Variants in PPM1L observed in about 807,000 individuals in gnomAD.
PPM1L encodes protein phosphatase, Mg2+/Mn2+ dependent 1L, also known as protein phosphatase 1L.
A neutral mutation model predicts 31.4 loss-of-function variants in PPM1L; 13 were observed. The ratio of observed to expected loss-of-function variants is 0.41; its 90% CI spans 0.27 to 0.66. The LOEUF (loss-of-function observed/expected upper bound fraction) is 0.66, where lower values mean the gene tolerates loss of function less well. PPM1L is among the 30% of genes least tolerant of loss of function. PPM1L has a pLI of 0.29. For synonymous variants in PPM1L, 184 were observed against 175.4 expected (o/e 1.05, Z -0.39); for missense variants, 326 against 453.7 (o/e 0.72, Z 2.56).
At chr3:161,028,982 C>T (rs1360498202) in intron 2 of PPM1L, among the ~76,000 whole-genome samples, 1 of 152,186 alleles carries the variant, frequency 6.6e-6, no homozygotes, top group Non-Finnish European at 1.5e-5. Flanking sequence ...CTTTGGGTTT[C>T]ATATTACACT....
intron 2 of PPM1L, among the ~76,000 whole-genome samples, chr3:161,043,093 T>C (rs1467065673): frequency 2.7e-5 from 4 of 148,720 alleles, no homozygotes; most frequent in Non-Finnish European, 4.4e-5. Flanking sequence ...GCCTGGAAAA[T>C]AGACTGGTAA....
intron 1 of PPM1L, among the ~76,000 whole-genome samples, chr3:160,925,958 C>T (rs1413883738): frequency 2.0e-5 from 3 of 152,106 alleles, no homozygotes; most frequent in Admixed American, 6.5e-5. Flanking sequence ...AATCTCACAG[C>T]CACAAACCTC....
In PPM1L at chr3:160,920,936, T is replaced by G. The variant is rs114055419; in HGVS notation, c.400-40800T>G. Reference sequence around the variant, plus strand: ...ACAATGTGAGACAGCAGCACAGTAGTGACTATCTCACCATTTTCTTACATT... The same window carrying G: ...ACAATGTGAGACAGCAGCACAGTAGGGACTATCTCACCATTTTCTTACATT... On this transcript the variant is annotated intron_variant, in intron 1 of 3. Transcript: ENST00000498165. Among the ~76,000 whole-genome samples the G allele has an allele frequency of 4.6e-3, 694 of 152,220 alleles. 6 individuals carry two copies. The highest frequency in any genetic ancestry group is 0.015 in the African/African-American group (637 of 41,530).
rs1443928226 is a variant in PPM1L, at chr3:161,075,722, A to T, written c.*6565A>T. On this transcript the variant is annotated 3_prime_UTR_variant, in exon 4 of 4. Coordinates refer to ENST00000498165, the MANE Select transcript of PPM1L (RefSeq NM_139245.4). ...TTAAATTAAGAAAAGGAGGTGTTAT[A>T]GTTTATTACATCATGAATTATGCTT... 6.6e-6 allele frequency: 1 copy of T among 152,222 alleles called. No homozygotes were observed. Among genetic ancestry groups the T allele is most frequent in the Non-Finnish European group, 1.5e-5 (1 of 68,030 alleles). 9.4% of individuals were successfully genotyped at this position (152,222 alleles called of 1,614,324 possible). A position where few individuals can be genotyped will look rare whatever the true frequency, so the allele number is the denominator to read the frequency against.
At chr3:160,926,870 G>C (rs1468436608) in intron 1 of PPM1L, among the ~76,000 whole-genome samples, 5 of 152,172 alleles carry the variant, frequency 3.3e-5, no homozygotes, top group Non-Finnish European at 7.3e-5. Flanking sequence ...AACATACATT[G>C]ATAAAGGAAC....
At chr3:161,061,697 G>T (rs1190076203) in intron 2 of PPM1L, among the ~76,000 whole-genome samples, 1 of 152,158 alleles carries the variant, frequency 6.6e-6, no homozygotes, top group East Asian at 1.9e-4. Context: ...TAGGTTATAT[G>T]CAAATACTAA....
intron 1 of PPM1L, among the ~76,000 whole-genome samples, chr3:160,946,246 T>C (rs1715406254): frequency 6.6e-6 from 1 of 152,122 alleles, no homozygotes. Flanking sequence ...ACCATAGACT[T>C]TACCAAAGAG....
intron 1 of PPM1L, among the ~76,000 whole-genome samples, chr3:160,789,193 T>C (rs1304857197): frequency 6.6e-6 from 1 of 151,976 alleles, no homozygotes; most frequent in Non-Finnish European, 1.5e-5. Context: ...TTTACATTTG[T>C]TACTAGACTT....
intron 1 of PPM1L, among the ~76,000 whole-genome samples, chr3:160,944,382 G>T (rs13086445): frequency 0.79 from 120,054 of 151,532 alleles, 48,674 homozygotes; most frequent in Middle Eastern, 0.92. Flanking sequence ...TTTTTATAAT[G>T]CTTAATCACA....
chr3:160,929,508 A>G (rs561397329), intron 1 of PPM1L, among the ~76,000 whole-genome samples: 1 of 152,352 alleles, frequency 6.6e-6, no homozygotes, highest in African/African-American at 2.4e-5. Flanking sequence ...GAGAGGGGGC[A>G]GGAAAGTGCT....
At chr3:160,973,326 G>C (rs1469581150) in intron 2 of PPM1L, among the ~76,000 whole-genome samples, 4 of 152,186 alleles carry the variant, frequency 2.6e-5, no homozygotes, top group Admixed American at 2.6e-4. Flanking sequence ...TAAAGGAAAT[G>C]TGTATACTTC....
intron 1 of PPM1L, among the ~76,000 whole-genome samples, chr3:160,765,863 T>G (rs1395475077): frequency 6.6e-6 from 1 of 152,208 alleles, no homozygotes; most frequent in African/African-American, 2.4e-5. Flanking sequence ...CTATTGCATA[T>G]ATTGTTAATT....
chr3:160,808,322 C>T lies in PPM1L; in HGVS notation c.399+51615C>T, dbSNP rs866047729. 4.3e-3 allele frequency among the ~76,000 whole-genome samples: 472 copies of T among 110,648 alleles called. 10 individuals are homozygous for T. The highest frequency in any genetic ancestry group is 0.017 in the African/African-American group (431 of 25,536). The allele number at this position is 110,648 out of a possible 152,430, so 72.6% of individuals were successfully genotyped here. On this transcript the variant is annotated intron_variant, in intron 1 of 3. Coordinates refer to ENST00000498165, the MANE Select transcript of PPM1L (RefSeq NM_139245.4). Reference sequence around the variant, plus strand: ...GTGTGTGTGTGTGTGTGTGTGTGTGCGTGCATGTGTGGTGGGTGAGGGAAG... The same window carrying T: ...GTGTGTGTGTGTGTGTGTGTGTGTGTGTGCATGTGTGGTGGGTGAGGGAAG...
At chr3:160,912,367 C>T (rs956417164) in intron 1 of PPM1L, among the ~76,000 whole-genome samples, 13 of 152,126 alleles carry the variant, frequency 8.5e-5, no homozygotes, top group Admixed American at 3.3e-4. Context: ...AGGGCTTCCC[C>T]GTATATTATC....
At chr3:161,057,020 G>A (rs922739955) in intron 2 of PPM1L, among the ~76,000 whole-genome samples, 4 of 151,968 alleles carry the variant, frequency 2.6e-5, no homozygotes, top group East Asian at 1.9e-4. Flanking sequence ...CCGAGATCGC[G>A]CCACTGCACT....
chr3:160,863,952 A>G (rs1454170382), intron 1 of PPM1L, among the ~76,000 whole-genome samples: 1 of 152,190 alleles, frequency 6.6e-6, no homozygotes, highest in Non-Finnish European at 1.5e-5. Flanking sequence ...ATCTAGATGG[A>G]TATAGGTAGA....
At chr3:160,985,914 A>C (rs753950405) in intron 2 of PPM1L, among the ~76,000 whole-genome samples, 2 of 151,416 alleles carry the variant, frequency 1.3e-5, no homozygotes, top group Non-Finnish European at 2.9e-5. Context: ...TTAATGTATG[A>C]TTTTTTTATT....
At chr3:161,060,721 C>CTTT (rs60605185) in intron 2 of PPM1L, among the ~76,000 whole-genome samples, 2 of 130,688 alleles carry the variant, frequency 1.5e-5, no homozygotes, top group African/African-American at 5.4e-5. Context: ...TGTGAATTCG[C>CTTT]TTTTTTTTTT....
chr3:160,829,890 G>A (rs1377958200), intron 1 of PPM1L, among the ~76,000 whole-genome samples: 2 of 152,104 alleles, frequency 1.3e-5, no homozygotes, highest in African/African-American at 4.8e-5. Flanking sequence ...TGCCTTTCCT[G>A]GCCTGTTCTC....
Sources: allele counts gnomAD v4.1 joint callset (sites outside exome capture counted in the v4.1 genomes callset), GRCh38; gene constraint gnomAD v4.1.1; transcripts MANE v1.5; gene names NCBI Gene and HGNC (gene_info 2026-07-23, HGNC 2026-07-21).